The following LGR4 variants were observed in gnomAD, a reference collection of about 807,000 sequenced individuals.
The protein encoded by LGR4 is leucine-rich repeat-containing G protein-coupled receptor 4.
Under a neutral mutation model 84.8 loss-of-function variants are expected in LGR4, and 44 were observed. The observed-to-expected ratio is 0.52, with a 90% CI of 0.41 to 0.67. The LOEUF is 0.67. LGR4 is among the 30% of genes least tolerant of loss of function. The probability of loss-of-function intolerance (pLI) is 0.00; values close to 1 mark genes in which losing one functional copy is unlikely to be tolerated. For missense variants in LGR4, 1,032 were observed against 1,131.4 expected (o/e 0.91, Z 1.26); for synonymous variants, 429 against 434.3 (o/e 0.99, Z 0.15).
intron 2 of LGR4, among the ~76,000 whole-genome samples, chr11:27,399,009 C>T (rs1163385608): frequency 3.3e-5 from 5 of 152,160 alleles, no homozygotes; most frequent in South Asian, 2.1e-4. Context: ...CAGGTTCAAG[C>T]GATTTCTCCT....
chr11:27,453,942 T>C (rs1052006285), intron 1 of LGR4, among the ~76,000 whole-genome samples: 1 of 152,158 alleles, frequency 6.6e-6, no homozygotes, highest in African/African-American at 2.4e-5. Context: ...TTTTGGAATT[T>C]AGTAAGAGCC....
chr11:27,472,561 C>T lies in LGR4; in HGVS notation c.-259G>A, dbSNP rs570052649. ...CTCCGGCGGCTCACGCCAGCCGGGC[C>T]GGCCCGGCGCAGCGGCGGGGGCCGC... On this transcript the variant is annotated 5_prime_UTR_variant, in exon 1 of 18. Coordinates refer to ENST00000379214, the MANE Select transcript of LGR4 (RefSeq NM_018490.5). The T allele has an allele frequency of 7.9e-6, 3 of 379,814 alleles. No homozygotes were observed. The highest frequency in any genetic ancestry group is 1.4e-5 in the Non-Finnish European group (3 of 213,936). 23.5% of individuals were successfully genotyped at this position (379,814 alleles called of 1,614,324 possible).
intron 1 of LGR4, among the ~76,000 whole-genome samples, chr11:27,443,690 T>G (rs1018572123): frequency 6.6e-6 from 1 of 152,208 alleles, no homozygotes; most frequent in African/African-American, 2.4e-5. Flanking sequence ...GACCCTTTCA[T>G]GAAAATTCCA....
chr11:27,377,159 T>G lies in LGR4; in HGVS notation c.1108A>C (p.Ile370Leu), dbSNP rs1435873921. 39 of 1,575,056 alleles carry G rather than the reference T, an allele frequency of 2.5e-5. No individual in the cohort carries two copies. The highest frequency in any genetic ancestry group is 3.3e-5 in the Non-Finnish European group (38 of 1,149,560). Residue 370 changes from isoleucine (I) to leucine (L), a missense_variant and splice_region_variant, in exon 12 of 18, where the codon ATT becomes CTT. By Grantham distance (5) the Ile-to-Leu change is conservative (BLOSUM62 2). Transcript: ENST00000379214. ...GGAATAAGTCAAAGACCAACTCACA[T>G]TTCTTCCAGAGCATGGCAACCATTA... ...SFNGCHALEE[I>L]SLQRNQIYQI...
intron 1 of LGR4, among the ~76,000 whole-genome samples, chr11:27,417,692 A>G (rs1221653083): frequency 1.3e-5 from 2 of 152,198 alleles, no homozygotes; most frequent in African/African-American, 2.4e-5. Flanking sequence ...ACCATCCACA[A>G]TATCAACACC....
At chr11:27,455,675 C>T (rs1864561939) in intron 1 of LGR4, among the ~76,000 whole-genome samples, 1 of 152,160 alleles carries the variant, frequency 6.6e-6, no homozygotes, top group African/African-American at 2.4e-5. Context: ...AATTAATTCC[C>T]CATCTACATA....
intron 2 of LGR4, among the ~76,000 whole-genome samples, chr11:27,405,255 A>T (rs1469454217): frequency 6.6e-6 from 1 of 150,774 alleles, no homozygotes; most frequent in Non-Finnish European, 1.5e-5. Flanking sequence ...TTCTTTGTGA[A>T]AAACCTCTCC....
At chr11:27,401,895 GA>G (rs1863511346) in intron 2 of LGR4, among the ~76,000 whole-genome samples, 2 of 152,292 alleles carry the variant, frequency 1.3e-5, no homozygotes, top group East Asian at 3.9e-4. Flanking sequence ...CTTGAAGCAC[GA>G]AATAACAAGG....
intron 1 of LGR4, among the ~76,000 whole-genome samples, chr11:27,425,881 T>C (rs538936430): frequency 2.6e-5 from 4 of 152,304 alleles, no homozygotes; most frequent in African/African-American, 9.6e-5. Context: ...TATAAATATC[T>C]CTTTGATGGA....
chr11:27,465,867 T>G (rs1285241167), intron 1 of LGR4, among the ~76,000 whole-genome samples: 2 of 152,180 alleles, frequency 1.3e-5, no homozygotes, highest in Admixed American at 1.3e-4. Flanking sequence ...TGTCCTAGAT[T>G]TTTTTCTTCA....
intron 1 of LGR4, 42 bp downstream of exon 1, chr11:27,472,076 C>G: frequency 8.5e-7 from 1 of 1,175,564 alleles, no homozygotes; most frequent in South Asian, 2.5e-5. Flanking sequence ...CGCTGGGCCC[C>G]GTTTCCTCCC....
chr11:27,425,105 T>C (rs1339338963), intron 1 of LGR4, among the ~76,000 whole-genome samples: 2 of 152,158 alleles, frequency 1.3e-5, no homozygotes, highest in African/African-American at 4.8e-5. Flanking sequence ...ACTTTATCAG[T>C]CTATTTGCAT....
chr11:27,395,384 A>C (rs1164043105), intron 2 of LGR4, among the ~76,000 whole-genome samples: 2 of 152,182 alleles, frequency 1.3e-5, no homozygotes, highest in African/African-American at 4.8e-5. Context: ...ATAAAGTAAC[A>C]AAGTGGCAAA....
intron 4 of LGR4, among the ~76,000 whole-genome samples, chr11:27,387,219 A>G (rs1863203040): frequency 6.6e-6 from 1 of 152,234 alleles, no homozygotes; most frequent in Non-Finnish European, 1.5e-5. Flanking sequence ...TGTTAGGTAC[A>G]AAGGATAAAA....
chr11:27,407,644 A>G (rs1331120126), intron 2 of LGR4, among the ~76,000 whole-genome samples: 1 of 152,172 alleles, frequency 6.6e-6, no homozygotes, highest in Admixed American at 6.6e-5. Flanking sequence ...ATAGTTTATT[A>G]TTCTGGATAA....
At chr11:27,416,370 A>G (rs939313104) in intron 1 of LGR4, among the ~76,000 whole-genome samples, 18 of 152,212 alleles carry the variant, frequency 1.2e-4, no homozygotes, top group Non-Finnish European at 1.0e-4. Flanking sequence ...AAACGGAGGC[A>G]GTAATAACTG....
intron 1 of LGR4, among the ~76,000 whole-genome samples, chr11:27,438,155 C>A (rs2133428857): frequency 6.6e-6 from 1 of 152,238 alleles, no homozygotes; most frequent in South Asian, 2.1e-4. Flanking sequence ...AATCAAGACC[C>A]AAATCTTGGT....
chr11:27,423,896 G>A (rs923801751), intron 1 of LGR4, among the ~76,000 whole-genome samples: 24 of 152,254 alleles, frequency 1.6e-4, no homozygotes, highest in African/African-American at 5.1e-4. Context: ...AGAAAACAAC[G>A]TGCTACCATG....
chr11:27,371,486 C>T lies in LGR4; in HGVS notation c.1579+129G>A, dbSNP rs544020447. 1.4e-3 allele frequency: 790 copies of T among 573,312 alleles called. 21 individuals carry two copies. In the South Asian group the frequency reaches 0.028, roughly 20 times the overall value. The allele number at this position is 573,312 out of a possible 1,614,324, so 35.5% of individuals were successfully genotyped here. A position where few individuals can be genotyped will look rare whatever the true frequency, so the allele number is the denominator to read the frequency against. The stretch of plus-strand genomic sequence containing the variant: ...CTGGCTGGTACGCAAAGCACAAAAT[C>T]AGAAGGCCTCACAGGATCCTCTAGT... On this transcript the variant is annotated intron_variant, in intron 17 of 17. Transcript: ENST00000379214.
Sources: gnomAD v4.1 joint callset for allele counts (sites outside exome capture counted in the v4.1 genomes callset) on GRCh38, gnomAD v4.1.1 for gene constraint, MANE v1.5 for transcripts, NCBI Gene and HGNC (gene_info 2026-07-23, HGNC 2026-07-21) for gene names.